LRBA: variants seen among roughly 807,000 people sequenced by gnomAD.
LRBA encodes lipopolysaccharide-responsive and beige-like anchor protein.
A neutral mutation model predicts 330.0 loss-of-function variants in LRBA; 176 were observed. That is an observed-to-expected ratio of 0.53 (90% CI 0.47 to 0.60). The LOEUF is 0.60. LRBA is among the 20% of genes least tolerant of loss of function. The probability of loss-of-function intolerance (pLI) is 0.00; values close to 1 mark genes in which losing one functional copy is unlikely to be tolerated. For missense variants in LRBA, 3,259 were observed against 3,444.8 expected (o/e 0.95, Z 1.35); for synonymous variants, 1,230 against 1,193.0 (o/e 1.03, Z -0.64).
intron 51 of LRBA, among the ~76,000 whole-genome samples, chr4:150,312,786 T>C (rs1731229756): frequency 1.3e-5 from 2 of 152,104 alleles, no homozygotes; most frequent in Admixed American, 1.3e-4. Context: ...ACTATATGAA[T>C]TGCCACTAAT....
intron 53 of LRBA, among the ~76,000 whole-genome samples, chr4:150,286,528 C>T (rs2126782221): frequency 6.6e-6 from 1 of 152,108 alleles, no homozygotes; most frequent in Admixed American, 6.5e-5. Context: ...TATGTATTCT[C>T]TCTACTAAGC....
chr4:150,796,553 AT>A (rs966299814), intron 34 of LRBA, among the ~76,000 whole-genome samples: 5 of 151,976 alleles, frequency 3.3e-5, no homozygotes, highest in African/African-American at 1.2e-4. Context: ...TTCATATCCC[AT>A]TTGATTGCAT....
chr4:150,455,719 T>C (rs915860358), intron 44 of LRBA, among the ~76,000 whole-genome samples: 9 of 152,130 alleles, frequency 5.9e-5, no homozygotes, highest in African/African-American at 9.7e-5. Context: ...GTGTTGACTA[T>C]AGTCACCCTG....
At chr4:150,884,141 T>C (rs553166482) in intron 17 of LRBA, among the ~76,000 whole-genome samples, 34 of 152,172 alleles carry the variant, frequency 2.2e-4, no homozygotes, top group Non-Finnish European at 4.1e-4. Context: ...AAAGTAGCAC[T>C]GTTGCTTTCA....
chr4:150,820,744 C>T (rs897921004), intron 30 of LRBA, among the ~76,000 whole-genome samples: 4 of 151,974 alleles, frequency 2.6e-5, no homozygotes, highest in African/African-American at 9.7e-5. Flanking sequence ...TTTTCATTGT[C>T]TTTACCAATC....
At chr4:150,861,270 G>GGTGT (rs35115144) in intron 22 of LRBA, among the ~76,000 whole-genome samples, 7,594 of 137,808 alleles carry the variant, frequency 0.055, 238 homozygotes, top group Middle Eastern at 0.071. Context: ...CCCAGCTAAT[G>GGTGT]GTGTGTGTGT....
At chr4:150,320,693 G>C (rs192414171) in intron 50 of LRBA, among the ~76,000 whole-genome samples, 1 of 152,076 alleles carries the variant, frequency 6.6e-6, no homozygotes, top group Non-Finnish European at 1.5e-5. Context: ...TGTAGTCCTA[G>C]CTAATCAGGA....
At chr4:150,288,797 T>C (rs1226792293) in intron 53 of LRBA, among the ~76,000 whole-genome samples, 1 of 151,258 alleles carries the variant, frequency 6.6e-6, no homozygotes, top group East Asian at 1.9e-4. Context: ...ATTGTTCTTT[T>C]TTTTTTTTTT....
At chr4:150,981,009 C>T (rs1049839996) in intron 2 of LRBA, among the ~76,000 whole-genome samples, 9 of 151,922 alleles carry the variant, frequency 5.9e-5, no homozygotes, top group South Asian at 2.1e-4. Context: ...TCCATGTTCA[C>T]GGATTGCAAG....
At chr4:150,829,797 T>A (rs1298093042) in intron 29 of LRBA, among the ~76,000 whole-genome samples, 1 of 144,304 alleles carries the variant, frequency 6.9e-6, no homozygotes, top group Non-Finnish European at 1.5e-5. Flanking sequence ...TAAATATAAC[T>A]GCTACCCTAC....
chr4:150,661,469 C>CAAAAAA (rs563120801), intron 37 of LRBA, among the ~76,000 whole-genome samples: 2 of 65,018 alleles, frequency 3.1e-5, no homozygotes, highest in Admixed American at 3.3e-4. Flanking sequence ...GACTCTGTCT[C>CAAAAAA]AAAAAAAAAA....
At chr4:150,609,726 T>C (rs1464201770) in intron 37 of LRBA, among the ~76,000 whole-genome samples, 1 of 152,106 alleles carries the variant, frequency 6.6e-6, no homozygotes, top group African/African-American at 2.4e-5. Context: ...TTCAAAAATT[T>C]TGACGATGAA....
At chr4:150,683,849 C>G (rs1334581545) in intron 36 of LRBA, 132 bp from the exon 37 acceptor site, 1 of 636,460 alleles carries the variant, frequency 1.6e-6, no homozygotes, top group East Asian at 2.8e-5. Flanking sequence ...ATTCACCTAA[C>G]TGAGATTTAG....
chr4:150,733,241 G>A (rs1424799702), intron 36 of LRBA, among the ~76,000 whole-genome samples: 1 of 151,804 alleles, frequency 6.6e-6, no homozygotes, highest in African/African-American at 2.4e-5. Context: ...TGGAAAACTG[G>A]AAAAATACAA....
chr4:150,906,329 C>T lies in LRBA; in HGVS notation c.1570G>A (p.Gly524Ser), dbSNP rs776254567. 112 of 1,609,532 alleles carry T rather than the reference C, an allele frequency of 7.0e-5. No individual in the cohort carries two copies. In the East Asian group the frequency reaches 2.1e-3, roughly 31 times the overall value. The change falls in exon 12 of 57, where the codon GGC becomes AGC. Residue 524 changes from glycine to serine, a missense_variant. Physicochemically the swap from Gly to Ser is moderately conservative, Grantham distance 56. Transcript: ENST00000651943. The stretch of plus-strand genomic sequence containing the variant: ...AGGCTATATCCTATTACCAAGAAGC[C>T]CTTACAGGCAAGCATCTGTTCCTGC... ...AMQEQMLACK[G>S]FLVIGYSLEK...
intron 36 of LRBA, among the ~76,000 whole-genome samples, chr4:150,703,741 C>A (rs1785338217): frequency 6.6e-6 from 1 of 151,716 alleles, no homozygotes; most frequent in South Asian, 2.1e-4. Context: ...CCATACAGAC[C>A]CTTACATAAG....
chr4:150,680,469 A>G (rs1782957524), intron 37 of LRBA, among the ~76,000 whole-genome samples: 1 of 152,242 alleles, frequency 6.6e-6, no homozygotes. Flanking sequence ...GCCTGCTGTG[A>G]GGAAACAACA....
rs140458525 is a variant in LRBA at position 150,991,504 on chromosome 4, T to C, written c.216+22923A>G. Among the ~76,000 whole-genome samples, 23 of 152,348 alleles carry C rather than the reference T, an allele frequency of 1.5e-4. No individual in the cohort carries two copies. The East Asian group carries it at 4.4e-3, about 29-fold the overall frequency. ...AAAAAAGAAACAAGCAACTTAATTA[T>C]GCAACGACATAGAGGAATCTCAAAT... On this transcript the variant is annotated intron_variant, in intron 2 of 56. Transcript: ENST00000651943.
At position 150,746,225 on chromosome 4, in the gene LRBA, T is replaced by C. The variant is rs991505161; in HGVS notation, c.5646-10859A>G. On this transcript the variant is annotated intron_variant, in intron 35 of 56. Coordinates refer to ENST00000651943, the MANE Select transcript of LRBA (RefSeq NM_001364905.1). ...ATATTTTTAAATACTTAAGAAGTCA[T>C]ACTATAATACTTGTATATTTTACTT... is the stretch of plus-strand genomic sequence containing the variant. Among the ~76,000 whole-genome samples, 13 of 152,232 alleles carry C rather than the reference T, an allele frequency of 8.5e-5. 1 individual carries two copies. Among genetic ancestry groups the C allele is most frequent in the South Asian group, 6.2e-4 (3 of 4,836 alleles).
Sources: allele counts gnomAD v4.1 joint callset (sites outside exome capture counted in the v4.1 genomes callset), GRCh38; gene constraint gnomAD v4.1.1; transcripts MANE v1.5; gene names NCBI Gene and HGNC (gene_info 2026-07-23, HGNC 2026-07-21).